Variants in HPGD observed in about 807,000 individuals in gnomAD.
The protein encoded by HPGD is 15-hydroxyprostaglandin dehydrogenase, also known as 15-hydroxyprostaglandin dehydrogenase [NAD(+)].
In HPGD, 29 loss-of-function variants were observed where a neutral mutation model predicts 30.0. The ratio of observed to expected loss-of-function variants is 0.97; its 90% CI spans 0.72 to 1.32. The LOEUF (loss-of-function observed/expected upper bound fraction) is 1.32, where lower values mean the gene tolerates loss of function less well. Ranked by LOEUF, HPGD falls within the 40% of genes most tolerant of loss-of-function variation. HPGD has a pLI of 0.00. For synonymous variants in HPGD, 99 were observed against 112.4 expected (o/e 0.88, Z 0.75); for missense variants, 340 against 322.1 (o/e 1.06, Z -0.43).
chr4:174,500,407 A>T (rs1336999094), intron 4 of HPGD, among the ~76,000 whole-genome samples: 1 of 152,198 alleles, frequency 6.6e-6, no homozygotes, highest in Non-Finnish European at 1.5e-5. Flanking sequence ...CTTGGCATTT[A>T]CTCAAAGAAC....
At chr4:174,502,656 C>T (rs1220578359) in intron 4 of HPGD, among the ~76,000 whole-genome samples, 1 of 121,988 alleles carries the variant, frequency 8.2e-6, no homozygotes, top group South Asian at 2.5e-4. Flanking sequence ...CCAGCCTGGG[C>T]GACAGAGCGA....
chr4:174,507,369 C>A (rs1265026211), intron 4 of HPGD: 1 of 152,060 alleles, frequency 6.6e-6, no homozygotes, highest in Non-Finnish European at 1.5e-5. Context: ...TTTTTGAGAA[C>A]TTCTAAAGGA....
intron 2 of HPGD, among the ~76,000 whole-genome samples, chr4:174,519,336 C>T (rs1412029251): frequency 1.3e-5 from 2 of 152,014 alleles, no homozygotes; most frequent in Non-Finnish European, 2.9e-5. Context: ...GCCTCAGCCT[C>T]CAGAGTAGCT....
At chr4:174,508,123 G>A in intron 4 of HPGD, 1 of 702,358 alleles carries the variant, frequency 1.4e-6, no homozygotes, top group South Asian at 1.5e-5. Context: ...GGAGCTCCCT[G>A]CTGAAGACGG....
chr4:174,517,950 A>C, intron 3 of HPGD, 21 bp downstream of exon 3: 1 of 1,208,606 alleles, frequency 8.3e-7, no homozygotes, highest in Non-Finnish European at 1.2e-6. Flanking sequence ...ATAGACAAGA[A>C]ATATAGCTAA....
rs572884435 is a variant in HPGD, at chr4:174,517,414, A to G, written c.324+557T>C. ...AGATTTACTTTTAAATAAATAAGTC[A>G]GCGGTTGACGAGCTTTTTCTGTAAA... On this transcript the variant is annotated intron_variant, in intron 3 of 6. Transcript: ENST00000296522. 2.9e-4 allele frequency among the ~76,000 whole-genome samples: 44 copies of G among 152,210 alleles called. 1 individual carries two copies. The highest frequency in any genetic ancestry group is 6.2e-4 in the Non-Finnish European group (42 of 68,022).
chr4:174,508,506 TTAAA>T (rs574182593), intron 4 of HPGD, among the ~76,000 whole-genome samples, 186 bp downstream of exon 4: 77 of 152,262 alleles, frequency 5.1e-4, no homozygotes, highest in African/African-American at 1.8e-3. Flanking sequence ...AAGCCACAAG[TTAAA>T]TTAAGAGAAA....
intron 4 of HPGD, among the ~76,000 whole-genome samples, chr4:174,500,605 C>T (rs1440423735): frequency 2.6e-5 from 4 of 152,056 alleles, no homozygotes; most frequent in Admixed American, 1.3e-4. Flanking sequence ...ATGGAGGAAA[C>T]GTAAATGCAT....
upstream of HPGD, chr4:174,522,491 C>G (rs936056403): frequency 7.5e-6 from 11 of 1,473,288 alleles, no homozygotes; most frequent in African/African-American, 1.4e-4. Flanking sequence ...GCGAGCTCCG[C>G]GTCTCCGCGC....
intron 4 of HPGD, 169 bp from the exon 5 acceptor site, chr4:174,495,793 T>C (rs1579272431): frequency 1.5e-6 from 1 of 649,634 alleles, no homozygotes; most frequent in East Asian, 2.8e-5. Context: ...AGCCTAAGTG[T>C]AGTTTATTTG....
chr4:174,491,840 C>T lies in HPGD; in HGVS notation c.*116G>A. The T allele has an allele frequency of 1.0e-6, 1 of 953,686 alleles. No homozygotes were observed. Among genetic ancestry groups the T allele is most frequent in the Non-Finnish European group, 1.7e-6 (1 of 596,182 alleles). The allele number at this position is 953,686 out of a possible 1,614,324, so 59.1% of individuals were successfully genotyped here. On this transcript the variant is annotated 3_prime_UTR_variant, in exon 7 of 7. Transcript: ENST00000296522. The stretch of plus-strand genomic sequence containing the variant: ...TTTAGAAAACGTTTATCACCAAGTG[C>T]ATGAAGGAAAACTTCAAACTGTAAC...
chr4:174,504,049 T>C (rs1450437704), intron 4 of HPGD, among the ~76,000 whole-genome samples: 1 of 152,168 alleles, frequency 6.6e-6, no homozygotes, highest in East Asian at 1.9e-4. Flanking sequence ...ACAGTTTATG[T>C]CATGGAAATT....
At chr4:174,503,719 A>ATTTT (rs60031997) in intron 4 of HPGD, among the ~76,000 whole-genome samples, 1 of 142,880 alleles carries the variant, frequency 7.0e-6, no homozygotes. Context: ...GGGTTTTTTG[A>ATTTT]TTTTTTTTTT....
At position 174,505,784 on chromosome 4, in the gene HPGD, G is replaced by A. The variant is rs571317805; in HGVS notation, c.421+2912C>T. Among the ~76,000 whole-genome samples the A allele has an allele frequency of 8.9e-4, 135 of 152,200 alleles. 1 individual carries two copies. Among genetic ancestry groups the A allele is most frequent in the African/African-American group, 3.1e-3 (129 of 41,510 alleles). On this transcript the variant is annotated intron_variant, in intron 4 of 6. Coordinates refer to ENST00000296522, the MANE Select transcript of HPGD (RefSeq NM_000860.6). ...CGGAGGCTGGAATTACGAAGAGAGGGTGCCAAGGACAACTTCTGAAAATGG... is the reference window on the plus strand; with the variant it reads ...CGGAGGCTGGAATTACGAAGAGAGGATGCCAAGGACAACTTCTGAAAATGG...
rs901189531 is a variant in HPGD at position 174,493,436 on chromosome 4, T to C, written c.499-122A>G. On this transcript the variant is annotated intron_variant, in intron 5 of 6. Coordinates refer to ENST00000296522, the MANE Select transcript of HPGD (RefSeq NM_000860.6). ...AATACTAATTAGATATCCTCCCAGC[T>C]ATGTAACAATGACTGGTAAATAGAT... The C allele has an allele frequency of 8.1e-6, 7 of 860,756 alleles. No homozygotes were observed. In the Admixed American group the frequency reaches 1.1e-4, roughly 14 times the overall value. 53.3% of individuals were successfully genotyped at this position (860,756 alleles called of 1,614,324 possible).
intron 4 of HPGD, among the ~76,000 whole-genome samples, chr4:174,500,780 G>A (rs747475118): frequency 2.0e-4 from 31 of 152,116 alleles, no homozygotes; most frequent in Admixed American, 1.4e-3. Flanking sequence ...TTTTAGGGTA[G>A]TAAACCACTC....
intron 4 of HPGD, among the ~76,000 whole-genome samples, chr4:174,500,640 T>C (rs1210633344): frequency 1.3e-5 from 2 of 152,200 alleles, no homozygotes; most frequent in African/African-American, 4.8e-5. Flanking sequence ...GAAGCCAACC[T>C]GAAAAGGCTA....
rs1735316458 is a variant in HPGD at position 174,508,778 on chromosome 4, A to G, written c.339T>C (p.Ser113=). The G allele has an allele frequency of 6.3e-7, 1 of 1,590,374 alleles. No homozygotes were observed. Among genetic ancestry groups the G allele is most frequent in the Non-Finnish European group, 8.6e-7 (1 of 1,159,010 alleles). The stretch of plus-strand genomic sequence containing the variant: ...TGTAATCCAAACCAAGATAGGTTCC[A>G]CTGATAACAGAAACCTAATCCAGAG... The part of the protein sequence containing the change: ...TLQINLVSVI[S]GTYLGLDYMS... The change falls in exon 4 of 7, where the codon AGT becomes AGC. Residue 113 remains serine, a synonymous_variant. Coordinates refer to ENST00000296522, the MANE Select transcript of HPGD (RefSeq NM_000860.6).
intron 2 of HPGD, 58 bp from the exon 3 acceptor site, chr4:174,518,135 T>A: frequency 1.2e-6 from 1 of 850,788 alleles, no homozygotes; most frequent in East Asian, 2.5e-5. Flanking sequence ...TACATTTAAA[T>A]CATGTCCTAT....
Sources: gnomAD v4.1 joint callset for allele counts (sites outside exome capture counted in the v4.1 genomes callset) on GRCh38, gnomAD v4.1.1 for gene constraint, MANE v1.5 for transcripts, NCBI Gene and HGNC (gene_info 2026-07-23, HGNC 2026-07-21) for gene names.